Variants in KIAA0586 observed in about 807,000 individuals in gnomAD.
The protein encoded by KIAA0586 is protein TALPID3.
A neutral mutation model predicts 169.8 loss-of-function variants in KIAA0586; 144 were observed. The observed-to-expected ratio is 0.85, with a 90% CI of 0.74 to 0.97. The LOEUF (loss-of-function observed/expected upper bound fraction) is 0.97. Ranked by LOEUF, KIAA0586 falls within the 50% of genes least tolerant of loss-of-function variation. The pLI is 0.00. For synonymous variants in KIAA0586, 625 were observed against 612.4 expected (o/e 1.02, Z -0.30); for missense variants, 1,854 against 1,823.0 (o/e 1.02, Z -0.31).
At chr14:58,497,173 A>G (rs2043210251) in intron 26 of KIAA0586, among the ~76,000 whole-genome samples, 1 of 151,802 alleles carries the variant, frequency 6.6e-6, no homozygotes, top group South Asian at 2.1e-4. Flanking sequence ...GGTTTTTGCC[A>G]TGTTGATCAG....
At chr14:58,458,920 A>G (rs1335620428) in intron 12 of KIAA0586, among the ~76,000 whole-genome samples, 3 of 152,192 alleles carry the variant, frequency 2.0e-5, no homozygotes, top group Non-Finnish European at 4.4e-5. Context: ...AAAAAAACCA[A>G]CGAGATTTAC....
intron 9 of KIAA0586, among the ~76,000 whole-genome samples, chr14:58,456,170 TG>T (rs1281295290): frequency 2.0e-5 from 3 of 152,152 alleles, no homozygotes; most frequent in Admixed American, 6.5e-5. Context: ...GTGAGGCTGT[TG>T]GTTTTCGAGG....
At chr14:58,456,547 AT>A (rs1175544979) in intron 9 of KIAA0586, among the ~76,000 whole-genome samples, 154 bp from the exon 10 acceptor site, 1 of 152,220 alleles carries the variant, frequency 6.6e-6, no homozygotes, top group Non-Finnish European at 1.5e-5. Context: ...CACATAACTG[AT>A]TAATTCCATA....
intron 9 of KIAA0586, among the ~76,000 whole-genome samples, chr14:58,456,178 G>C (rs1021573803): frequency 6.6e-6 from 1 of 152,034 alleles, no homozygotes; most frequent in African/African-American, 2.4e-5. Context: ...GTTGGTTTTC[G>C]AGGCCGCCAC....
the KIAA0586 span, among the ~76,000 whole-genome samples, chr14:58,557,901 CTTT>C: frequency 0.019 from 826 of 42,450 alleles, 3 homozygotes; most frequent in Middle Eastern, 0.087. Flanking sequence ...CCTGAGAAAT[CTTT>C]TTTTTTTTTT....
chr14:58,534,084 A>G (rs1316883913), intron 29 of KIAA0586, among the ~76,000 whole-genome samples: 4 of 152,182 alleles, frequency 2.6e-5, no homozygotes, highest in African/African-American at 4.8e-5. Context: ...CAGATAATAC[A>G]GTATATTTTT....
At chr14:58,434,796 G>C (rs2140445070) in intron 4 of KIAA0586, among the ~76,000 whole-genome samples, 1 of 152,130 alleles carries the variant, frequency 6.6e-6, no homozygotes, top group Middle Eastern at 3.4e-3. Flanking sequence ...GTTGAGACAG[G>C]ATCTCGCTCT....
At chr14:58,497,501 A>G (rs2043237776) in intron 26 of KIAA0586, among the ~76,000 whole-genome samples, 1 of 151,436 alleles carries the variant, frequency 6.6e-6, no homozygotes, top group African/African-American at 2.4e-5. Flanking sequence ...CTGGGACTAC[A>G]GGCACCCGCC....
chr14:58,429,795 G>T (rs1283074363), intron 2 of KIAA0586, among the ~76,000 whole-genome samples: 2 of 152,108 alleles, frequency 1.3e-5, no homozygotes, highest in African/African-American at 4.8e-5. Context: ...TGTGAGGTGT[G>T]CTTGCATGTC....
chr14:58,502,064 G>T (rs1566908635), intron 27 of KIAA0586, among the ~76,000 whole-genome samples: 1 of 152,146 alleles, frequency 6.6e-6, no homozygotes, highest in African/African-American at 2.4e-5. Flanking sequence ...AGTCCATAGG[G>T]CCGTGAATGA....
intron 29 of KIAA0586, 71 bp downstream of exon 29, chr14:58,512,698 C>G (rs1352720253): frequency 3.3e-6 from 3 of 897,720 alleles, no homozygotes; most frequent in Non-Finnish European, 5.0e-6. Context: ...TATGAGAATT[C>G]TTTACTTTTT....
chr14:58,530,943 C>T (rs1180324050), intron 29 of KIAA0586, among the ~76,000 whole-genome samples: 1 of 152,118 alleles, frequency 6.6e-6, no homozygotes, highest in Admixed American at 6.5e-5. Context: ...ATCTATCCAT[C>T]TGACAAAGGG....
intron 26 of KIAA0586, among the ~76,000 whole-genome samples, chr14:58,498,367 G>A (rs1028864775): frequency 6.6e-6 from 1 of 151,720 alleles, no homozygotes; most frequent in Non-Finnish European, 1.5e-5. Context: ...GTCGAGACAG[G>A]GTTTCGCCAT....
At chr14:58,521,233 A>G in intron 29 of KIAA0586, 1 of 1,038,568 alleles carries the variant, frequency 9.6e-7, no homozygotes, top group South Asian at 1.3e-5. Context: ...GTGGCCAGCA[A>G]CGTTGCCGAC....
In KIAA0586 at chr14:58,498,867, T is replaced by C. The variant is rs2043349061; in HGVS notation, c.4075T>C (p.Ser1359Pro). 1 of 1,612,878 alleles carries C rather than the reference T, an allele frequency of 6.2e-7. No individual in the cohort carries two copies. Among genetic ancestry groups the C allele is most frequent in the Admixed American group, 1.7e-5 (1 of 59,916 alleles). Reference protein sequence around the residue: ...AAAENILMGHSLYMQPPVTNT... With the variant: ...AAAENILMGHPLYMQPPVTNT... ...AGCAGAGAACATCTTAATGGGACAT[T>C]CTCTCTATATGCAGCCACCTGTCAC... Residue 1359 changes from serine (S) to proline (P), a missense_variant, in exon 27 of 31, where the codon TCT (serine) becomes CCT (proline). Coordinates refer to ENST00000652326, the MANE Select transcript of KIAA0586 (RefSeq NM_001329943.3).
chr14:58,549,167 C>T lies in KIAA0586; in HGVS notation c.*1235C>T, dbSNP rs1212208868. On this transcript the variant is annotated 3_prime_UTR_variant, in exon 31 of 31. Coordinates refer to ENST00000652326, the MANE Select transcript of KIAA0586 (RefSeq NM_001329943.3). ...TTTTCTGTCACAACTGAATTTCAAA[C>T]ACACAGTAATTACAGTCATCCTTGA... 6.6e-6 allele frequency: 1 copy of T among 152,114 alleles called. No homozygotes were observed. Among genetic ancestry groups the T allele is most frequent in the African/African-American group, 2.4e-5 (1 of 41,418 alleles). 9.4% of individuals were successfully genotyped at this position (152,114 alleles called of 1,614,324 possible). A position where few individuals can be genotyped will look rare whatever the true frequency, so the allele number is the denominator to read the frequency against.
chr14:58,474,538 C>T, intron 18 of KIAA0586, 69 bp from the exon 19 acceptor site: 3 of 1,063,992 alleles, frequency 2.8e-6, no homozygotes, highest in South Asian at 1.8e-5. Flanking sequence ...AGTTCCTTGC[C>T]TATAGTTGGT....
rs556375361 is a variant in KIAA0586 at position 58,526,722 on chromosome 14, A to G, written c.4430-13349A>G. 2.6e-5 allele frequency among the ~76,000 whole-genome samples: 4 copies of G among 152,334 alleles called. No individual in the cohort carries two copies. In the East Asian group the frequency reaches 5.8e-4, roughly 22 times the overall value. The stretch of plus-strand genomic sequence containing the variant: ...AGAATGAATTTGATGAATTGACAGA[A>G]GTAGGCTTCAAAAGGTGGGTAATAA... On this transcript the variant is annotated intron_variant, in intron 29 of 30. Coordinates refer to ENST00000652326, the MANE Select transcript of KIAA0586 (RefSeq NM_001329943.3).
intron 7 of KIAA0586, among the ~76,000 whole-genome samples, chr14:58,450,360 T>G (rs1362174659): frequency 6.6e-6 from 1 of 152,218 alleles, no homozygotes; most frequent in Non-Finnish European, 1.5e-5. Context: ...GTTCTGAATA[T>G]TATCATATAG....
Sources: allele counts gnomAD v4.1 joint callset (sites outside exome capture counted in the v4.1 genomes callset), GRCh38; gene constraint gnomAD v4.1.1; transcripts MANE v1.5; gene names NCBI Gene and HGNC (gene_info 2026-07-23, HGNC 2026-07-21).